FOXO1: variants seen among roughly 807,000 people sequenced by gnomAD.
FOXO1 encodes forkhead box protein O1.
Under a neutral mutation model 44.1 loss-of-function variants are expected in FOXO1, and 6 were observed. The observed-to-expected ratio is 0.14, with a 90% CI of 0.07 to 0.27. FOXO1 has a LOEUF of 0.27. Among genes scored for constraint, FOXO1 ranks in the 10% least tolerant of loss-of-function variants. FOXO1 has a pLI of 1.00. For missense variants in FOXO1, 737 were observed against 888.8 expected (o/e 0.83, Z 2.17); for synonymous variants, 380 against 362.7 (o/e 1.05, Z -0.54).
At chr13:40,562,272 A>C (rs1353007056) in intron 1 of FOXO1, among the ~76,000 whole-genome samples, 1 of 152,208 alleles carries the variant, frequency 6.6e-6, no homozygotes, top group African/African-American at 2.4e-5. Flanking sequence ...AAGAAATGAC[A>C]GAGAACGCAA....
chr13:40,632,722 T>C (rs1420283866), intron 1 of FOXO1, among the ~76,000 whole-genome samples: 3 of 150,422 alleles, frequency 2.0e-5, no homozygotes, highest in African/African-American at 7.4e-5. Context: ...GCAGGCAGAC[T>C]ACCTGATGTC....
chr13:40,563,033 T>C lies in FOXO1; in HGVS notation c.631-2173A>G, dbSNP rs769397899. Among the ~76,000 whole-genome samples, 5 of 152,308 alleles carry C rather than the reference T, an allele frequency of 3.3e-5. No homozygotes were observed. In the East Asian group the frequency reaches 9.7e-4, roughly 29 times the overall value. ...CCCTAAGACCCTGGAATGTGCACAG[T>C]CTCCCAGCTTTCTTGGCCTCCTCTG... is the stretch of plus-strand genomic sequence containing the variant. On this transcript the variant is annotated intron_variant, in intron 1 of 2. Transcript: ENST00000379561.
chr13:40,656,133 T>C (rs1238837762), intron 1 of FOXO1, among the ~76,000 whole-genome samples: 1 of 152,228 alleles, frequency 6.6e-6, no homozygotes, highest in East Asian at 1.9e-4. Context: ...CAGTTTTGCA[T>C]TTGGCCTATC....
chr13:40,655,716 C>T (rs1877838785), intron 1 of FOXO1, among the ~76,000 whole-genome samples: 1 of 146,230 alleles, frequency 6.8e-6, no homozygotes, highest in Non-Finnish European at 1.5e-5. Flanking sequence ...AATCTCAGCT[C>T]ACTACAGCCT....
At chr13:40,566,016 G>C (rs893581395) in intron 1 of FOXO1, among the ~76,000 whole-genome samples, 1 of 152,204 alleles carries the variant, frequency 6.6e-6, no homozygotes, top group Admixed American at 6.5e-5. Flanking sequence ...GAGGCTGTCA[G>C]TGCCCTGGTC....
intron 1 of FOXO1, among the ~76,000 whole-genome samples, chr13:40,607,044 A>G (rs923543311): frequency 8.5e-5 from 13 of 152,134 alleles, no homozygotes; most frequent in African/African-American, 3.1e-4. Flanking sequence ...CACCCTTCCC[A>G]GAAAGCTCTC....
At chr13:40,621,238 C>A in intron 1 of FOXO1, 1 of 758,134 alleles carries the variant, frequency 1.3e-6, no homozygotes, top group South Asian at 1.4e-5. Context: ...AGGCAATTAC[C>A]TTGCAGGCAT....
chr13:40,637,818 G>A (rs990653835), intron 1 of FOXO1, among the ~76,000 whole-genome samples: 6 of 152,258 alleles, frequency 3.9e-5, no homozygotes, highest in Admixed American at 6.5e-5. Context: ...CCGGCAAACC[G>A]AAGCACTTAC....
At chr13:40,658,805 G>C (rs964763393) in intron 1 of FOXO1, among the ~76,000 whole-genome samples, 1 of 151,928 alleles carries the variant, frequency 6.6e-6, no homozygotes, top group African/African-American at 2.4e-5. Context: ...GTCAGGAGAT[G>C]GAGACCATCC....
chr13:40,615,414 A>G (rs567665879), intron 1 of FOXO1, among the ~76,000 whole-genome samples: 167 of 152,212 alleles, frequency 1.1e-3, no homozygotes, highest in Non-Finnish European at 2.0e-3. Context: ...GCGCGCCTAT[A>G]ATCCCAGCTA....
chr13:40,557,778 C>A lies in FOXO1; in HGVS notation c.*1271G>T, dbSNP rs1469738409. 6.6e-6 allele frequency: 1 copy of A among 152,122 alleles called. No homozygotes were observed. Among genetic ancestry groups the A allele is most frequent in the East Asian group, 1.9e-4 (1 of 5,190 alleles). The allele number at this position is 152,122 out of a possible 1,614,324, so 9.4% of individuals were successfully genotyped here. On this transcript the variant is annotated 3_prime_UTR_variant, in exon 3 of 3. Coordinates refer to ENST00000379561, the MANE Select transcript of FOXO1 (RefSeq NM_002015.4). ...CAAAATGGTGAAGTGGATCAAAATCCCTCGTTTGACAAAGGACCATTGCTT... is the reference window on the plus strand; with the variant it reads ...CAAAATGGTGAAGTGGATCAAAATCACTCGTTTGACAAAGGACCATTGCTT...
intron 1 of FOXO1, among the ~76,000 whole-genome samples, chr13:40,644,919 A>G (rs1477391562): frequency 6.6e-6 from 1 of 152,242 alleles, no homozygotes; most frequent in Non-Finnish European, 1.5e-5. Context: ...TACTAATCTT[A>G]GCATTCAACA....
intron 1 of FOXO1, among the ~76,000 whole-genome samples, chr13:40,639,662 C>T (rs892076141): frequency 3.3e-5 from 5 of 152,240 alleles, no homozygotes; most frequent in African/African-American, 1.2e-4. Context: ...CGGTGTTTAG[C>T]AGCACCCCTG....
intron 1 of FOXO1, among the ~76,000 whole-genome samples, chr13:40,599,130 G>GA (rs5803057): frequency 1.5e-3 from 174 of 114,146 alleles, no homozygotes; most frequent in Middle Eastern, 5.3e-3. Flanking sequence ...CTATAAACAA[G>GA]AAAAAAAAAA....
chr13:40,588,210 C>A (rs972005134), intron 1 of FOXO1, among the ~76,000 whole-genome samples: 3 of 152,148 alleles, frequency 2.0e-5, no homozygotes, highest in Non-Finnish European at 2.9e-5. Flanking sequence ...TCCACCTTTC[C>A]TCTCCAACAA....
At chr13:40,604,544 G>A (rs1335544056) in intron 1 of FOXO1, among the ~76,000 whole-genome samples, 1 of 152,078 alleles carries the variant, frequency 6.6e-6, no homozygotes, top group Non-Finnish European at 1.5e-5. Flanking sequence ...AGGACACCTA[G>A]CTACCAGCAT....
At chr13:40,658,313 A>C (rs1268310079) in intron 1 of FOXO1, among the ~76,000 whole-genome samples, 1 of 151,754 alleles carries the variant, frequency 6.6e-6, no homozygotes, top group Non-Finnish European at 1.5e-5. Context: ...CTGAGAAAGA[A>C]GAGTTAACAG....
In FOXO1 at chr13:40,560,610, T is replaced by G; in HGVS notation, c.881A>C (p.Lys294Thr). ...GTGAGAGCCAGGGCTTGCAGGCCAT[T>G]TGGAAAACTGTGATCCAGGGCTGTC... ...AGDSPGSQFS[K>T]WPASPGSHSN... The change falls in exon 2 of 3, where the codon AAA (lysine) becomes ACA (threonine). Residue 294 changes from lysine to threonine, a missense_variant. By Grantham distance (78) the Lys-to-Thr change is moderately conservative (BLOSUM62 -1). This residue lies in a region of FOXO1 where 136 missense variants were observed against 186.4 expected (regional missense o/e 0.73). Transcript: ENST00000379561. This position sits in a 1 kb window ranked among gnomAD's most constrained non-coding sequence, Gnocchi z 5.1. 6.2e-7 allele frequency: 1 copy of G among 1,614,192 alleles called. No homozygotes were observed. Among genetic ancestry groups the G allele is most frequent in the Non-Finnish European group, 8.5e-7 (1 of 1,180,028 alleles).
chr13:40,567,978 A>T (rs977516975), intron 1 of FOXO1, among the ~76,000 whole-genome samples: 1 of 152,062 alleles, frequency 6.6e-6, no homozygotes, highest in Non-Finnish European at 1.5e-5. Context: ...AAAAAAAAAA[A>T]ATTTACACAA....
Sources: allele counts gnomAD v4.1 joint callset (sites outside exome capture counted in the v4.1 genomes callset), GRCh38; gene constraint gnomAD v4.1.1; regional missense constraint gnomAD v4.1.1; non-coding constraint Gnocchi (gnomAD v3.1); transcripts MANE v1.5; gene names NCBI Gene and HGNC (gene_info 2026-07-23, HGNC 2026-07-21).